TRIM69: variants seen among roughly 807,000 people sequenced by gnomAD.
The protein encoded by TRIM69 is tripartite motif containing 69.
In TRIM69, 29 loss-of-function variants were observed where a neutral mutation model predicts 37.7. The ratio of observed to expected loss-of-function variants is 0.77; its 90% confidence interval spans 0.57 to 1.05. The LOEUF (loss-of-function observed/expected upper bound fraction) is 1.05, where lower values mean the gene tolerates loss of function less well. Among genes scored for constraint, TRIM69 ranks in the 50% least tolerant of loss-of-function variants. The pLI is 0.00. For synonymous variants in TRIM69, 209 were observed against 212.4 expected (o/e 0.98, Z 0.14); for missense variants, 596 against 579.9 (o/e 1.03, Z -0.28).
chr15:44,739,545 C>T (rs151036355), intron 1 of TRIM69, among the ~76,000 whole-genome samples: 1,609 of 152,270 alleles, frequency 0.011, 38 homozygotes, highest in African/African-American at 0.037. Flanking sequence ...GCTTTTCCGA[C>T]GGGCTTAAAG....
At chr15:44,761,040 C>A (rs1181397719) in intron 6 of TRIM69, among the ~76,000 whole-genome samples, 6 of 151,970 alleles carry the variant, frequency 3.9e-5, no homozygotes, top group Non-Finnish European at 8.8e-5. Flanking sequence ...GCCTCAGCCT[C>A]CCGAGTAGCT....
In TRIM69 at chr15:44,745,929, T is replaced by C. The variant is rs895999448; in HGVS notation, c.7-8971T>C. 4.6e-5 allele frequency among the ~76,000 whole-genome samples: 7 copies of C among 151,756 alleles called. 1 individual carries two copies. In the South Asian group the frequency reaches 1.3e-3, roughly 27 times the overall value. ...GTGGGACTGTTATGCATAGTTGGAG[T>C]CCCAGAAGAGAGGAGAGAAGGGGAC... is the stretch of plus-strand genomic sequence containing the variant. On this transcript the variant is annotated intron_variant, in intron 1 of 6. Transcript: ENST00000329464.
At chr15:44,767,080 A>AAAAAAAAAAAAAC (rs2087908795) in intron 6 of TRIM69, 151 bp from the exon 7 acceptor site, 1 of 388,974 alleles carries the variant, frequency 2.6e-6, no homozygotes, top group Non-Finnish European at 4.5e-6. Context: ...AAAAAAAAAA[A>AAAAAAAAAAAAAC]AAAAGCATAT....
chr15:44,753,108 T>C (rs940446405), intron 1 of TRIM69: 11 of 152,186 alleles, frequency 7.2e-5, no homozygotes, highest in Non-Finnish European at 1.3e-4. Flanking sequence ...TCTACTTCTT[T>C]ATATGGCTTG....
At chr15:44,767,099 G>T (rs1032167426) in intron 6 of TRIM69, 132 bp from the exon 7 acceptor site, 16 of 169,210 alleles carry the variant, frequency 9.5e-5, no homozygotes, top group Non-Finnish European at 1.7e-4. Context: ...ATAAGTAATT[G>T]CTTGCCTGTC....
At chr15:44,747,040 A>C (rs890081058) in intron 1 of TRIM69, among the ~76,000 whole-genome samples, 1 of 152,204 alleles carries the variant, frequency 6.6e-6, no homozygotes, top group African/African-American at 2.4e-5. Context: ...TGCCTAGGGA[A>C]GCAGACCTTA....
chr15:44,756,217 G>T, intron 2 of TRIM69, 151 bp from the exon 3 acceptor site: 7 of 535,144 alleles, frequency 1.3e-5, no homozygotes, highest in Admixed American at 3.1e-5. Context: ...CACAATTCTT[G>T]AACGAGACAA....
In TRIM69 at chr15:44,762,435, T is replaced by A. The variant is rs138499407; in HGVS notation, c.961+2563T>A. 3.0e-3 allele frequency among the ~76,000 whole-genome samples: 452 copies of A among 152,288 alleles called. 4 individuals carry two copies. Among genetic ancestry groups the A allele is most frequent in the African/African-American group, 0.01 (434 of 41,552 alleles). On this transcript the variant is annotated intron_variant, in intron 6 of 6. Coordinates refer to ENST00000329464, the MANE Select transcript of TRIM69 (RefSeq NM_182985.5). ...ATTTTGAATAATATCAGCTGGTATTTCTTCAAATACTTTTTTACCAACCCC... is the reference window on the plus strand; with the variant it reads ...ATTTTGAATAATATCAGCTGGTATTACTTCAAATACTTTTTTACCAACCCC...
intron 1 of TRIM69, among the ~76,000 whole-genome samples, chr15:44,747,650 G>A (rs2444003): frequency 0.78 from 118,196 of 152,088 alleles, 46,634 homozygotes; most frequent in Middle Eastern, 0.85. Flanking sequence ...GAAGATGGCC[G>A]TATTAGGTCC....
In TRIM69 at chr15:44,737,903, A is replaced by T. The variant is rs897846223; in HGVS notation, c.6+1193A>T. 2.0e-5 allele frequency among the ~76,000 whole-genome samples: 3 copies of T among 152,284 alleles called. No homozygotes were observed. The East Asian group carries it at 5.8e-4, about 29-fold the overall frequency. On this transcript the variant is annotated intron_variant, in intron 1 of 6. Transcript: ENST00000329464. ...TTAACTATGATTTCAAAAATTTACA[A>T]CACAAAACTTCTCAGGAAAAAAAAA...
Position 44,758,607 on chromosome 15 carries a change from A to G in TRIM69, c.580-14A>G, listed in dbSNP as rs1250516511. The G allele has an allele frequency of 1.9e-6, 3 of 1,613,792 alleles. No individual in the cohort carries two copies. Among genetic ancestry groups the G allele is most frequent in the South Asian group, 1.1e-5 (1 of 91,080 alleles). ...CTCTGCAATAACCATGGTGATAATC[A>G]TGGAGGTTTCCAGGAAAACAAGCTA... On this transcript the variant is annotated splice_polypyrimidine_tract_variant and intron_variant, in intron 3 of 6. Transcript: ENST00000329464.
intron 1 of TRIM69, among the ~76,000 whole-genome samples, chr15:44,752,369 C>A (rs2087553304): frequency 6.6e-6 from 1 of 151,970 alleles, no homozygotes; most frequent in Admixed American, 6.6e-5. Context: ...TTGATAATAT[C>A]CTTCTTTGTA....
At chr15:44,748,845 A>G (rs1221678283) in intron 1 of TRIM69, among the ~76,000 whole-genome samples, 1 of 91,590 alleles carries the variant, frequency 1.1e-5, no homozygotes, top group Non-Finnish European at 2.4e-5. Context: ...AAAAAAAAAA[A>G]AAAAATTCTG....
Position 44,767,617 on chromosome 15 carries a change from G to T in TRIM69, c.1348G>T (p.Glu450Ter), listed in dbSNP as rs747954634. 1.2e-6 allele frequency: 2 copies of T among 1,614,056 alleles called. No homozygotes were observed. The change falls in exon 7 of 7, where the codon GAA (glutamate) becomes TAA (stop). Residue 450 changes from glutamate (E) to a stop codon, truncating the protein, a stop_gained. Transcript: ENST00000329464. LOFTEE classifies it high-confidence loss of function. ...CAAGGTGGGCATATACCTGGATTAT[G>T]AAGGAGGACAGTTGTCCTTCTACAA... ...LDKVGIYLDY[E>*]GGQLSFYNAK...
At position 44,755,496 on chromosome 15, in the gene TRIM69, G is replaced by T. The variant is rs74009419; in HGVS notation, c.483+120G>T. 3,822 of 759,624 alleles carry T rather than the reference G, an allele frequency of 5.0e-3. 76 individuals are homozygous for T. In the African/African-American group the frequency reaches 0.051, roughly 10 times the overall value. The allele number at this position is 759,624 out of a possible 1,614,324, so 47.1% of individuals were successfully genotyped here. The stretch of plus-strand genomic sequence containing the variant: ...AAATGATGATTAGAAAGCCCAGACT[G>T]CTCAGAAAGTACAACGTATCTTGCA... On this transcript the variant is annotated intron_variant, in intron 2 of 6. Transcript: ENST00000329464.
chr15:44,758,435 A>T, intron 3 of TRIM69, 186 bp from the exon 4 acceptor site: 1 of 865,580 alleles, frequency 1.2e-6, no homozygotes, highest in Non-Finnish European at 1.7e-6. Flanking sequence ...CTATTAAATT[A>T]GTTGGAAAAG....
chr15:44,756,561 C>T, intron 3 of TRIM69, 98 bp downstream of exon 3: 2 of 730,066 alleles, frequency 2.7e-6, no homozygotes, highest in Admixed American at 2.4e-5. Flanking sequence ...ATATTATCTA[C>T]ACACTAAATG....
chr15:44,743,360 C>T (rs976688619), intron 1 of TRIM69, among the ~76,000 whole-genome samples: 40 of 152,180 alleles, frequency 2.6e-4, no homozygotes, highest in Middle Eastern at 3.4e-3. Context: ...CCATAAAAAC[C>T]CTAGAAGAAA....
At chr15:44,758,949 GAAAACAAAAC>G (rs58628327) in intron 4 of TRIM69, 95 bp downstream of exon 4, 10 of 1,435,710 alleles carry the variant, frequency 7.0e-6, no homozygotes, top group Non-Finnish European at 8.4e-6. Flanking sequence ...CACATCCAGG[GAAAACAAAAC>G]AAAACAAAAC....
Sources: allele counts gnomAD v4.1 joint callset (sites outside exome capture counted in the v4.1 genomes callset), GRCh38; gene constraint gnomAD v4.1.1; transcripts MANE v1.5; gene names NCBI Gene and HGNC (gene_info 2026-07-23, HGNC 2026-07-21).